Variants in HS2ST1 observed in about 807,000 individuals in gnomAD.
HS2ST1 encodes 2-O-sulfotransferase.
Under a neutral mutation model 42.9 loss-of-function variants are expected in HS2ST1, and 18 were observed. That is an observed-to-expected ratio of 0.42 (90% CI 0.29 to 0.62). HS2ST1 has a LOEUF of 0.62. HS2ST1 is among the 20% of genes least tolerant of loss of function. HS2ST1 has a pLI of 0.21. For missense variants in HS2ST1, 334 were observed against 433.8 expected (o/e 0.77, Z 2.04); for synonymous variants, 146 against 152.9 (o/e 0.95, Z 0.33).
At chr1:87,004,279 TACTTG>T (rs1394007514) in intron 1 of HS2ST1, among the ~76,000 whole-genome samples, 1 of 152,024 alleles carries the variant, frequency 6.6e-6, no homozygotes, top group African/African-American at 2.4e-5. Flanking sequence ...TAATCCCAGC[TACTTG>T]GGAGGCTGAG....
chr1:87,073,580 A>G (rs987052398), intron 2 of HS2ST1, among the ~76,000 whole-genome samples: 1 of 152,182 alleles, frequency 6.6e-6, no homozygotes, highest in African/African-American at 2.4e-5. Context: ...AGAGATAGAG[A>G]TAGATACAGA....
intron 1 of HS2ST1, among the ~76,000 whole-genome samples, chr1:87,038,742 G>T (rs149526576): frequency 6.6e-6 from 1 of 152,074 alleles, no homozygotes; most frequent in African/African-American, 2.4e-5. Context: ...TTACATATAC[G>T]TGAAGTGATC....
chr1:86,998,267 G>A (rs886956239), intron 1 of HS2ST1, among the ~76,000 whole-genome samples: 14 of 152,286 alleles, frequency 9.2e-5, no homozygotes, highest in Middle Eastern at 3.4e-3. Context: ...TACATTTAAT[G>A]CATGACCAAA....
At chr1:86,983,259 A>G (rs1249641626) in intron 1 of HS2ST1, among the ~76,000 whole-genome samples, 1 of 152,204 alleles carries the variant, frequency 6.6e-6, no homozygotes, top group Non-Finnish European at 1.5e-5. Flanking sequence ...CTGTTTTTAC[A>G]CTGCTGTAAA....
Position 87,102,562 on chromosome 1 carries a change from T to A in HS2ST1, c.687-870T>A, listed in dbSNP as rs72957705. Among the ~76,000 whole-genome samples the A allele has an allele frequency of 3.8e-3, 581 of 152,330 alleles. 4 individuals are homozygous for A. Among genetic ancestry groups the A allele is most frequent in the African/African-American group, 0.013 (541 of 41,570 alleles). On this transcript the variant is annotated intron_variant, in intron 5 of 6. Coordinates refer to ENST00000370550, the MANE Select transcript of HS2ST1 (RefSeq NM_012262.4). ...ATATCCAAACCATATCACTATGTAGTCTGCAAAACCTAAAATATTTATCCT... is the reference window on the plus strand; with the variant it reads ...ATATCCAAACCATATCACTATGTAGACTGCAAAACCTAAAATATTTATCCT...
chr1:86,991,287 A>G (rs1041481306), intron 1 of HS2ST1, among the ~76,000 whole-genome samples: 1 of 152,162 alleles, frequency 6.6e-6, no homozygotes, highest in African/African-American at 2.4e-5. Context: ...CAAATCTGGT[A>G]GCCCCCCTGA....
intron 1 of HS2ST1, among the ~76,000 whole-genome samples, chr1:87,003,532 C>CGTCA (rs1283656019): frequency 6.6e-6 from 1 of 152,088 alleles, no homozygotes; most frequent in Admixed American, 6.5e-5. Flanking sequence ...GAACAAAAAG[C>CGTCA]GTCAATTTTT....
At chr1:87,003,996 T>G (rs1649363692) in intron 1 of HS2ST1, among the ~76,000 whole-genome samples, 1 of 152,162 alleles carries the variant, frequency 6.6e-6, no homozygotes, top group South Asian at 2.1e-4. Context: ...TTGTTACATT[T>G]TTTAACAATA....
chr1:87,092,771 C>A (rs1414982259), intron 4 of HS2ST1, 102 bp downstream of exon 4: 4 of 713,490 alleles, frequency 5.6e-6, no homozygotes, highest in Admixed American at 4.3e-5. Context: ...TTATTACTTG[C>A]TTATTGTGGA....
Position 86,952,438 on chromosome 1 carries a change from A to G in HS2ST1, c.124+37278A>G, listed in dbSNP as rs143229737. Among the ~76,000 whole-genome samples, 1,499 of 152,200 alleles carry G rather than the reference A, an allele frequency of 9.8e-3. 9 individuals carry two copies. Among genetic ancestry groups the G allele is most frequent in the Non-Finnish European group, 0.017 (1,144 of 68,008 alleles). On this transcript the variant is annotated intron_variant, in intron 1 of 6. Transcript: ENST00000370550. Reference sequence around the variant, plus strand: ...TTTTTAGTAGAGATGGGGTTTCACCATGTTGGCCAGGCTGGTCTTGAACTC... The same window carrying G: ...TTTTTAGTAGAGATGGGGTTTCACCGTGTTGGCCAGGCTGGTCTTGAACTC...
rs568982034 is a variant in HS2ST1, at chr1:86,971,355, G to C, written c.124+56195G>C. ...GGTTTAGTTATTTCTTCAGTTCTGT[G>C]AGCTACCCAAGCATCCTTCCAGTCT... is the stretch of plus-strand genomic sequence containing the variant. On this transcript the variant is annotated intron_variant, in intron 1 of 6. Coordinates refer to ENST00000370550, the MANE Select transcript of HS2ST1 (RefSeq NM_012262.4). 6.6e-5 allele frequency among the ~76,000 whole-genome samples: 10 copies of C among 152,180 alleles called. No homozygotes were observed. The East Asian group carries it at 1.9e-3, about 29-fold the overall frequency.
intron 3 of HS2ST1, among the ~76,000 whole-genome samples, chr1:87,088,864 C>CT (rs35417646): frequency 6.6e-6 from 1 of 151,946 alleles, no homozygotes; most frequent in Non-Finnish European, 1.5e-5. Context: ...AGGTCATTCA[C>CT]TTTTTTGGAT....
At chr1:86,960,227 C>CA (rs145286319) in intron 1 of HS2ST1, among the ~76,000 whole-genome samples, 96,647 of 131,362 alleles carry the variant, frequency 0.74, 36,165 homozygotes, top group East Asian at 0.94. Context: ...TCCACGCCAC[C>CA]AAAAAAAAAA....
At chr1:87,019,923 G>C (rs1649866774) in intron 1 of HS2ST1, among the ~76,000 whole-genome samples, 2 of 152,170 alleles carry the variant, frequency 1.3e-5, no homozygotes. Flanking sequence ...GACTCCCATA[G>C]AAATCTATCA....
chr1:87,070,419 C>T (rs531975564), intron 1 of HS2ST1, among the ~76,000 whole-genome samples: 4 of 151,854 alleles, frequency 2.6e-5, no homozygotes, highest in South Asian at 2.1e-4. Flanking sequence ...GGTGAAACGC[C>T]GTCTCTACAA....
chr1:86,989,528 G>A (rs1648882823), intron 1 of HS2ST1, among the ~76,000 whole-genome samples: 1 of 152,186 alleles, frequency 6.6e-6, no homozygotes, highest in Non-Finnish European at 1.5e-5. Context: ...AGAAGCTTCT[G>A]CACATCAATA....
intron 2 of HS2ST1, among the ~76,000 whole-genome samples, chr1:87,077,366 C>T (rs1345875297): frequency 5.9e-5 from 9 of 152,184 alleles, no homozygotes; most frequent in Non-Finnish European, 8.8e-5. Flanking sequence ...TCATTGAATA[C>T]GCCAAGCCTT....
At chr1:86,965,060 A>G (rs1334459063) in intron 1 of HS2ST1, among the ~76,000 whole-genome samples, 4 of 152,218 alleles carry the variant, frequency 2.6e-5, no homozygotes, top group Non-Finnish European at 5.9e-5. Context: ...TGTCTGGGTC[A>G]TATTTTAAGT....
chr1:86,973,767 A>G (rs1215387087), intron 1 of HS2ST1, among the ~76,000 whole-genome samples: 4 of 152,208 alleles, frequency 2.6e-5, no homozygotes, highest in Non-Finnish European at 5.9e-5. Flanking sequence ...TGATTTGAAA[A>G]CCAAGGTGGT....
Sources: allele counts gnomAD v4.1 joint callset (sites outside exome capture counted in the v4.1 genomes callset), GRCh38; gene constraint gnomAD v4.1.1; transcripts MANE v1.5; gene names NCBI Gene and HGNC (gene_info 2026-07-23, HGNC 2026-07-21).